The following SLC5A7 variants were observed in gnomAD, a reference collection of about 807,000 sequenced individuals.
The protein encoded by SLC5A7 is solute carrier family 5 member 7.
In SLC5A7, 19 loss-of-function variants were observed where a neutral mutation model predicts 55.4. The ratio of observed to expected loss-of-function variants is 0.34; its 90% CI spans 0.24 to 0.50. SLC5A7 has a LOEUF of 0.50. Ranked by LOEUF, SLC5A7 falls within the 20% of genes least tolerant of loss-of-function variation. SLC5A7 has a pLI of 0.98. For synonymous variants in SLC5A7, 265 were observed against 263.7 expected, an observed-to-expected ratio of 1.00 and a Z score of -0.05; for missense variants, 506 against 705.3, an observed-to-expected ratio of 0.72 and a Z score of 3.20.
chr2:107,995,701 T>C (rs1677646429), intron 4 of SLC5A7, among the ~76,000 whole-genome samples: 1 of 152,192 alleles, frequency 6.6e-6, no homozygotes, highest in African/African-American at 2.4e-5. Context: ...ATATATAAGA[T>C]CTATTACCAC....
rs1678402632 is a variant in SLC5A7, at chr2:108,013,098, G to C, written c.*2237G>C. On this transcript the variant is annotated 3_prime_UTR_variant, in exon 9 of 9. Transcript: ENST00000264047. ...CTCTTTACGTTGTACCATTCTGTTG[G>C]GCAACAATTGTCCCAACAACCACAC... 1 of 151,856 alleles carries C rather than the reference G, an allele frequency of 6.6e-6. No individual in the cohort carries two copies. The highest frequency in any genetic ancestry group is 2.4e-5 in the African/African-American group (1 of 41,334). The allele number at this position is 151,856 out of a possible 1,614,324, so 9.4% of individuals were successfully genotyped here. A position where few individuals can be genotyped will look rare whatever the true frequency, so the allele number is the denominator to read the frequency against.
rs933442158 is a variant in SLC5A7, at chr2:108,011,465, A to G, written c.*604A>G. On this transcript the variant is annotated 3_prime_UTR_variant, in exon 9 of 9. Coordinates refer to ENST00000264047, the MANE Select transcript of SLC5A7 (RefSeq NM_021815.5). Reference sequence around the variant, plus strand: ...GGGCAAAGAAAACACACAAAAGATTATGTATTGGCATTTATTTATGTGCAA... The same window carrying G: ...GGGCAAAGAAAACACACAAAAGATTGTGTATTGGCATTTATTTATGTGCAA... The G allele has an allele frequency of 2.0e-5, 3 of 152,176 alleles. No homozygotes were observed. The highest frequency in any genetic ancestry group is 4.4e-5 in the Non-Finnish European group (3 of 68,020). The allele number at this position is 152,176 out of a possible 1,614,324, so 9.4% of individuals were successfully genotyped here. A position where few individuals can be genotyped will look rare whatever the true frequency, so the allele number is the denominator to read the frequency against.
At chr2:107,995,522 T>G (rs1677639667) in intron 4 of SLC5A7, among the ~76,000 whole-genome samples, 1 of 151,274 alleles carries the variant, frequency 6.6e-6, no homozygotes, top group African/African-American at 2.4e-5. Flanking sequence ...CTGGGTACTA[T>G]GTACATTATT....
intron 6 of SLC5A7, among the ~76,000 whole-genome samples, chr2:108,003,867 AG>A (rs1403610070): frequency 6.6e-6 from 1 of 152,220 alleles, no homozygotes; most frequent in African/African-American, 2.4e-5. Flanking sequence ...ATAATTCTGG[AG>A]GCTGGAAATC....
At chr2:107,987,930 A>C (rs944527454) in intron 1 of SLC5A7, among the ~76,000 whole-genome samples, 175 bp from the exon 2 acceptor site, 1 of 152,204 alleles carries the variant, frequency 6.6e-6, no homozygotes, top group African/African-American at 2.4e-5. Context: ...GTTAAATAGA[A>C]GTAGGATAAT....
Position 108,008,456 on chromosome 2 carries a change from G to T in SLC5A7, c.896-9G>T. On this transcript the variant is annotated splice_polypyrimidine_tract_variant and intron_variant, in intron 7 of 8. Transcript: ENST00000264047. Reference sequence around the variant, plus strand: ...GGTGGTTATAATGGTTGTTGATTCTGTTCAACAGACTGGAACCAGACTGCA... The same window carrying T: ...GGTGGTTATAATGGTTGTTGATTCTTTTCAACAGACTGGAACCAGACTGCA... 6.2e-7 allele frequency: 1 copy of T among 1,610,136 alleles called. No homozygotes were observed. The highest frequency in any genetic ancestry group is 8.5e-7 in the Non-Finnish European group (1 of 1,177,290).
chr2:108,012,861 T>G lies in SLC5A7; in HGVS notation c.*2000T>G, dbSNP rs758626600. On this transcript the variant is annotated 3_prime_UTR_variant, in exon 9 of 9. Coordinates refer to ENST00000264047, the MANE Select transcript of SLC5A7 (RefSeq NM_021815.5). ...CATTTGACACATAAAAGTAATTAAT[T>G]GCTGGAGACTACAATTCCTGGCAAA... 1 of 152,092 alleles carries G rather than the reference T, an allele frequency of 6.6e-6. No homozygotes were observed. The highest frequency in any genetic ancestry group is 2.4e-5 in the African/African-American group (1 of 41,420). 9.4% of individuals were successfully genotyped at this position (152,092 alleles called of 1,614,324 possible).
rs1038028393 is a variant in SLC5A7 at position 108,011,680 on chromosome 2, T to C, written c.*819T>C. ...TCTTTATCTCAAGTATATAAAGTTT[T>C]GCCCCATGATAAAATAAGTAACATA... On this transcript the variant is annotated 3_prime_UTR_variant, in exon 9 of 9. Coordinates refer to ENST00000264047, the MANE Select transcript of SLC5A7 (RefSeq NM_021815.5). The C allele has an allele frequency of 2.6e-5, 4 of 152,156 alleles. No individual in the cohort carries two copies. The highest frequency in any genetic ancestry group is 3.9e-4 in the East Asian group (2 of 5,190). 9.4% of individuals were successfully genotyped at this position (152,156 alleles called of 1,614,324 possible).
At chr2:107,998,271 TTAGTA>T (rs1469279169) in intron 5 of SLC5A7, among the ~76,000 whole-genome samples, 1 of 152,208 alleles carries the variant, frequency 6.6e-6, no homozygotes, top group Non-Finnish European at 1.5e-5. Context: ...TGATCTCCTT[TTAGTA>T]TTTAAGGCAA....
At position 108,006,248 on chromosome 2, in the gene SLC5A7, T is replaced by G. The variant is rs1678118030; in HGVS notation, c.895+46T>G. On this transcript the variant is annotated intron_variant, in intron 7 of 8. Coordinates refer to ENST00000264047, the MANE Select transcript of SLC5A7 (RefSeq NM_021815.5). ...CCACATGTGCCAGTTAGTTTACCAA[T>G]CCCCACCCAGACACCCTTCTGTCCC... 11 of 1,608,134 alleles carry G rather than the reference T, an allele frequency of 6.8e-6. No individual in the cohort carries two copies. The East Asian group carries it at 2.5e-4, about 36-fold the overall frequency.
At chr2:108,008,748 T>C in intron 8 of SLC5A7, 66 bp downstream of exon 8, 1 of 1,204,596 alleles carries the variant, frequency 8.3e-7, no homozygotes, top group Non-Finnish European at 1.2e-6. Flanking sequence ...ATGTTGTATT[T>C]GTTGTATATA....
chr2:108,008,057 C>T (rs1018483664), intron 7 of SLC5A7, among the ~76,000 whole-genome samples: 3 of 152,140 alleles, frequency 2.0e-5, no homozygotes, highest in Admixed American at 6.5e-5. Flanking sequence ...GAGAATAGCC[C>T]TACTATTGTC....
rs957902037 is a variant in SLC5A7, at chr2:108,010,923, G to A, written c.*62G>A. 6.9e-7 allele frequency: 1 copy of A among 1,443,802 alleles called. No homozygotes were observed. Among genetic ancestry groups the A allele is most frequent in the African/African-American group, 1.4e-5 (1 of 70,306 alleles). The allele number at this position is 1,443,802 out of a possible 1,614,324, so 89.4% of individuals were successfully genotyped here. On this transcript the variant is annotated 3_prime_UTR_variant, in exon 9 of 9. Coordinates refer to ENST00000264047, the MANE Select transcript of SLC5A7 (RefSeq NM_021815.5). ...CACTGTAATAGGGTAGTTCTGGAGA[G>A]ATGGTATGCAGCATACAAAAATATA...
rs770760585 is a variant in SLC5A7 at position 108,010,672 on chromosome 2, T to C, written c.1554T>C (p.Val518=). The change falls in exon 9 of 9, where the codon GTT becomes GTC. Residue 518 remains valine (V), a synonymous_variant. Coordinates refer to ENST00000264047, the MANE Select transcript of SLC5A7 (RefSeq NM_021815.5). ...AATTAGATGTATTTGATGCTGTTGTTGCAAGACACAGTGAAGAAAACATGG... is the reference window on the plus strand; with the variant it reads ...AATTAGATGTATTTGATGCTGTTGTCGCAAGACACAGTGAAGAAAACATGG... The part of the protein sequence containing the change: ...PPKLDVFDAV[V]ARHSEENMDK... The C allele has an allele frequency of 1.2e-6, 2 of 1,613,952 alleles. No homozygotes were observed. The highest frequency in any genetic ancestry group is 2.2e-5 in the South Asian group (2 of 91,080).
At chr2:108,004,630 G>T (rs1678034793) in intron 6 of SLC5A7, among the ~76,000 whole-genome samples, 1 of 152,202 alleles carries the variant, frequency 6.6e-6, no homozygotes, top group African/African-American at 2.4e-5. Flanking sequence ...AGAAGTAGCA[G>T]TAATCTAGCC....
At position 107,997,917 on chromosome 2, in the gene SLC5A7, A is replaced by G. The variant is rs780484840; in HGVS notation, c.528A>G (p.Thr176=). Residue 176 remains threonine, a synonymous_variant, in exon 5 of 9, where the codon ACA becomes ACG. Coordinates refer to ENST00000264047, the MANE Select transcript of SLC5A7 (RefSeq NM_021815.5). ...CTGCACTCATTGCCACTCTGTACAC[A>G]CTGGTGGGAGGGCTCTATTCTGTGG... The part of the protein sequence containing the change: ...IISALIATLY[T]LVGGLYSVAY... The G allele has an allele frequency of 2.4e-5, 38 of 1,613,782 alleles. No individual in the cohort carries two copies. Among genetic ancestry groups the G allele is most frequent in the Non-Finnish European group, 1.1e-5 (13 of 1,179,920 alleles).
intron 7 of SLC5A7, among the ~76,000 whole-genome samples, chr2:108,008,137 T>G (rs1378972505): frequency 6.6e-6 from 1 of 152,194 alleles, no homozygotes; most frequent in Non-Finnish European, 1.5e-5. Flanking sequence ...CATTTCCAAG[T>G]GGTTGAAGGA....
rs555753695 is a variant in SLC5A7, at chr2:107,988,350, C to A, written c.178+17C>A. On this transcript the variant is annotated intron_variant, in intron 2 of 8. Coordinates refer to ENST00000264047, the MANE Select transcript of SLC5A7 (RefSeq NM_021815.5). Reference sequence around the variant, plus strand: ...CCATGACAGGTACGTTCAGACGCCGCCGGCTCCATGCAGTCCTCCCTTCCT... The same window carrying A: ...CCATGACAGGTACGTTCAGACGCCGACGGCTCCATGCAGTCCTCCCTTCCT... 42 of 1,599,306 alleles carry A rather than the reference C, an allele frequency of 2.6e-5. No individual in the cohort carries two copies. The East Asian group carries it at 9.4e-4, about 36-fold the overall frequency.
chr2:107,987,491 T>C (rs1558856895), intron 1 of SLC5A7, among the ~76,000 whole-genome samples: 1 of 152,244 alleles, frequency 6.6e-6, no homozygotes, highest in Non-Finnish European at 1.5e-5. Context: ...TTAGTTGCTA[T>C]AGTAACTTGA....
Sources: allele counts gnomAD v4.1 joint callset (sites outside exome capture counted in the v4.1 genomes callset), GRCh38; gene constraint gnomAD v4.1.1; transcripts MANE v1.5; gene names NCBI Gene and HGNC (gene_info 2026-07-23, HGNC 2026-07-21).